Variants in CNTN4 observed in about 807,000 individuals in gnomAD.
CNTN4 encodes contactin 4.
A neutral mutation model predicts 122.5 loss-of-function variants in CNTN4; 77 were observed. The ratio of observed to expected loss-of-function variants is 0.63; its 90% CI spans 0.52 to 0.76. CNTN4 has a LOEUF of 0.76. CNTN4 is among the 30% of genes least tolerant of loss of function. CNTN4 has a pLI of 0.00. For synonymous variants in CNTN4, 512 were observed against 447.0 expected (o/e 1.15, Z -1.83); for missense variants, 1,256 against 1,259.1 (o/e 1.00, Z 0.04).
intron 3 of CNTN4, among the ~76,000 whole-genome samples, chr3:2,381,872 C>T (rs561961002): frequency 1.3e-5 from 2 of 152,094 alleles, no homozygotes; most frequent in East Asian, 3.9e-4. Flanking sequence ...TGAAATTTTT[C>T]TATGAAGGTG....
Position 2,915,857 on chromosome 3 carries a change from CTAT to C in CNTN4, c.1208-9767_1208-9765del, listed in dbSNP as rs1205652200. Among the ~76,000 whole-genome samples the C allele has an allele frequency of 1.5e-4, 23 of 152,234 alleles. 1 individual carries two copies. The highest frequency in any genetic ancestry group is 5.1e-4 in the African/African-American group (21 of 41,536). ...AATGTGTTTAAGTACATACAATGGA[CTAT>C]TATTTCTGTTATGTATTACAACATG... On this transcript the variant is annotated intron_variant, in intron 12 of 24. Coordinates refer to ENST00000418658, the MANE Select transcript of CNTN4 (RefSeq NM_175607.3).
intron 4 of CNTN4, among the ~76,000 whole-genome samples, chr3:2,673,403 C>A (rs180723903): frequency 1.3e-5 from 2 of 152,144 alleles, no homozygotes; most frequent in Non-Finnish European, 2.9e-5. Flanking sequence ...AATGCACACT[C>A]CTTTGCAATG....
At position 2,609,576 on chromosome 3, in the gene CNTN4, A is replaced by G. The variant is rs73805355; in HGVS notation, c.55+38018A>G. On this transcript the variant is annotated intron_variant, in intron 4 of 24. Coordinates refer to ENST00000418658, the MANE Select transcript of CNTN4 (RefSeq NM_175607.3). ...TAAAATATAGGTAGTTCTCAAAAGC[A>G]TTATGTTCAGTAGGATAGCTCTCTA... is the stretch of plus-strand genomic sequence containing the variant. 4.7e-3 allele frequency among the ~76,000 whole-genome samples: 720 copies of G among 152,344 alleles called. 11 individuals are homozygous for G. The highest frequency in any genetic ancestry group is 0.017 in the African/African-American group (692 of 41,592).
chr3:2,186,471 G>C (rs36132963), intron 2 of CNTN4, among the ~76,000 whole-genome samples: 42,464 of 151,968 alleles, frequency 0.28, 6,283 homozygotes, highest in East Asian at 0.45. Flanking sequence ...GGGTCAAATG[G>C]TATTTCTAGT....
intron 23 of CNTN4, 146 bp downstream of exon 23, chr3:3,043,850 A>G: frequency 1.4e-6 from 1 of 694,434 alleles, no homozygotes; most frequent in Non-Finnish European, 2.6e-6. Context: ...ACACGGTTTG[A>G]TCTGAGTTGT....
intron 3 of CNTN4, among the ~76,000 whole-genome samples, chr3:2,516,549 G>A (rs899483013): frequency 2.0e-5 from 3 of 152,008 alleles, no homozygotes; most frequent in African/African-American, 7.2e-5. Context: ...CTGTTTTATT[G>A]TATAGTTAAA....
chr3:2,286,458 A>C (rs1369415042), intron 2 of CNTN4, among the ~76,000 whole-genome samples: 1 of 151,890 alleles, frequency 6.6e-6, no homozygotes, highest in Non-Finnish European at 1.5e-5. Context: ...AAAAAACTAC[A>C]TGGTTGTTAA....
chr3:2,498,688 C>T (rs1174980950), intron 3 of CNTN4, among the ~76,000 whole-genome samples: 1 of 152,028 alleles, frequency 6.6e-6, no homozygotes, highest in Non-Finnish European at 1.5e-5. Flanking sequence ...TACCATGTTT[C>T]TCAGGCTGAT....
chr3:2,800,676 A>G (rs1287350795), intron 6 of CNTN4, among the ~76,000 whole-genome samples: 1 of 152,148 alleles, frequency 6.6e-6, no homozygotes, highest in Admixed American at 6.5e-5. Context: ...TGGCTTCCAT[A>G]TTGACTCAGA....
intron 2 of CNTN4, among the ~76,000 whole-genome samples, chr3:2,193,675 G>C (rs1390491612): frequency 6.6e-6 from 1 of 152,114 alleles, no homozygotes; most frequent in Admixed American, 6.5e-5. Context: ...TGTCAGTAAT[G>C]CATCACATAT....
At chr3:2,150,439 A>G (rs1435150688) in intron 2 of CNTN4, among the ~76,000 whole-genome samples, 1 of 152,202 alleles carries the variant, frequency 6.6e-6, no homozygotes, top group East Asian at 1.9e-4. Flanking sequence ...ATTTGAAACT[A>G]TAAGTATCTT....
At chr3:2,823,056 A>G (rs2092912273) in intron 7 of CNTN4, among the ~76,000 whole-genome samples, 1 of 152,232 alleles carries the variant, frequency 6.6e-6, no homozygotes, top group Non-Finnish European at 1.5e-5. Context: ...AAGGGAAACA[A>G]TGATTATCTG....
At chr3:2,122,113 C>CAG (rs2033835957) in intron 2 of CNTN4, among the ~76,000 whole-genome samples, 1 of 151,444 alleles carries the variant, frequency 6.6e-6, no homozygotes, top group Non-Finnish European at 1.5e-5. Flanking sequence ...TGAGATTGCG[C>CAG]CACTGCACTC....
chr3:2,793,269 G>A (rs2092069765), intron 6 of CNTN4, among the ~76,000 whole-genome samples: 1 of 151,938 alleles, frequency 6.6e-6, no homozygotes, highest in African/African-American at 2.4e-5. Context: ...ATGAAGGCTG[G>A]TTAATCACCT....
intron 13 of CNTN4, among the ~76,000 whole-genome samples, chr3:2,968,867 A>G (rs1471213925): frequency 6.6e-6 from 1 of 152,154 alleles, no homozygotes; most frequent in Non-Finnish European, 1.5e-5. Context: ...TTTCCTCTGT[A>G]TACACTGTCT....
At chr3:2,737,169 C>A (rs1196024179) in intron 5 of CNTN4, among the ~76,000 whole-genome samples, 1 of 152,074 alleles carries the variant, frequency 6.6e-6, no homozygotes, top group Admixed American at 6.5e-5. Context: ...CAACCTCCCC[C>A]TCCCGGGTTA....
At chr3:2,410,186 A>T (rs558730732) in intron 3 of CNTN4, among the ~76,000 whole-genome samples, 3 of 152,202 alleles carry the variant, frequency 2.0e-5, no homozygotes, top group African/African-American at 4.8e-5. Flanking sequence ...ATCTTGGCCA[A>T]TGTAAGAAGA....
intron 2 of CNTN4, among the ~76,000 whole-genome samples, chr3:2,113,946 A>G (rs2033154042): frequency 6.6e-6 from 1 of 152,190 alleles, no homozygotes; most frequent in South Asian, 2.1e-4. Context: ...GGTCCTGCAT[A>G]GCCAGTTTTA....
intron 4 of CNTN4, among the ~76,000 whole-genome samples, chr3:2,616,218 T>G (rs761901408): frequency 6.7e-6 from 1 of 149,962 alleles, no homozygotes; most frequent in Non-Finnish European, 1.5e-5. Context: ...ATTGTTCAAC[T>G]CCCACTTATG....
Sources: allele counts gnomAD v4.1 joint callset (sites outside exome capture counted in the v4.1 genomes callset), GRCh38; gene constraint gnomAD v4.1.1; transcripts MANE v1.5; gene names NCBI Gene and HGNC (gene_info 2026-07-23, HGNC 2026-07-21).